MARCHF6: variants seen among roughly 807,000 people sequenced by gnomAD.
MARCHF6 encodes membrane associated ring-CH-type finger 6, also known as E3 ubiquitin-protein ligase MARCHF6.
MARCHF6 carries 31 observed loss-of-function variants against 133.7 expected under a neutral mutation model. That is an observed-to-expected ratio of 0.23 (90% CI 0.17 to 0.31). MARCHF6 has a LOEUF of 0.31. Among genes scored for constraint, MARCHF6 ranks in the 10% least tolerant of loss-of-function variants. The pLI is 1.00. For missense variants in MARCHF6, 723 were observed against 1,121.6 expected, an observed-to-expected ratio of 0.64 and a Z score of 5.08; for synonymous variants, 395 against 402.5, an observed-to-expected ratio of 0.98 and a Z score of 0.22.
At chr5:10,381,088 G>T (rs943934900) in intron 3 of MARCHF6, among the ~76,000 whole-genome samples, 3 of 152,092 alleles carry the variant, frequency 2.0e-5, no homozygotes, top group African/African-American at 4.8e-5. Context: ...AGAATTGTTT[G>T]TTTTTCCTTT....
chr5:10,423,692 T>TA (rs750425638), intron 22 of MARCHF6, 43 bp from the exon 23 acceptor site: 9 of 1,385,816 alleles, frequency 6.5e-6, no homozygotes, highest in African/African-American at 2.9e-5. Context: ...TGTTTATTGT[T>TA]AAAAAACAAC....
intron 3 of MARCHF6, 144 bp downstream of exon 3, chr5:10,378,976 A>C: frequency 7.5e-6 from 4 of 533,566 alleles, no homozygotes; most frequent in Non-Finnish European, 1.3e-5. Flanking sequence ...ATTTTTTTTG[A>C]TAGTAATAGG....
rs188903323 is a variant in MARCHF6, at chr5:10,390,570, C to G, written c.576+70C>G. The G allele has an allele frequency of 2.2e-6, 3 of 1,391,444 alleles. No individual in the cohort carries two copies. The African/African-American group carries it at 4.4e-5, about 20-fold the overall frequency. The allele number at this position is 1,391,444 out of a possible 1,614,324, so 86.2% of individuals were successfully genotyped here. On this transcript the variant is annotated intron_variant, in intron 6 of 25. Coordinates refer to ENST00000274140, the MANE Select transcript of MARCHF6 (RefSeq NM_005885.4). ...AGAATTATTGTTTCTCTCTGAGACT[C>G]AAACTCTTGACTTCCATGTCCCTCA...
chr5:10,394,797 TA>T lies in MARCHF6; in HGVS notation c.861+14del. On this transcript the variant is annotated intron_variant, in intron 9 of 25. Transcript: ENST00000274140. Reference sequence around the variant, plus strand: ...CACTAGTTTTTCTGGTAAGTAAAACTAATTTTTTTTTTTTTTTTTTGAGACG... The same window carrying T: ...CACTAGTTTTTCTGGTAAGTAAAACTATTTTTTTTTTTTTTTTTTGAGACG... The T allele has an allele frequency of 4.0e-6, 6 of 1,507,876 alleles. No individual in the cohort carries two copies. Among genetic ancestry groups the T allele is most frequent in the South Asian group, 1.2e-5 (1 of 84,614 alleles). The allele number at this position is 1,507,876 out of a possible 1,614,324, so 93.4% of individuals were successfully genotyped here.
At chr5:10,402,017 T>C in intron 11 of MARCHF6, 42 bp from the exon 12 acceptor site, 1 of 1,166,022 alleles carries the variant, frequency 8.6e-7, no homozygotes, top group Non-Finnish European at 1.3e-6. Flanking sequence ...GTGTAGAACA[T>C]GTTGTAAAAT....
chr5:10,369,604 C>CCG (rs1491111288), intron 1 of MARCHF6, among the ~76,000 whole-genome samples: 25 of 3,948 alleles, frequency 6.3e-3, no homozygotes, highest in African/African-American at 0.022. Flanking sequence ...AGTTCCATTA[C>CCG]CCCCCCCCCC....
At chr5:10,354,798 A>T (rs1377625948) in intron 1 of MARCHF6, 1 of 152,104 alleles carries the variant, frequency 6.6e-6, no homozygotes, top group Non-Finnish European at 1.5e-5. Context: ...AGGTATATTT[A>T]TGGGGGTATG....
At chr5:10,355,451 T>C (rs888106884) in intron 1 of MARCHF6, among the ~76,000 whole-genome samples, 3 of 152,240 alleles carry the variant, frequency 2.0e-5, no homozygotes, top group Non-Finnish European at 4.4e-5. Context: ...TTGCATACTT[T>C]TATGGTGTGA....
intron 24 of MARCHF6, among the ~76,000 whole-genome samples, chr5:10,428,498 T>G (rs1370948442): frequency 6.6e-6 from 1 of 151,992 alleles, no homozygotes; most frequent in Non-Finnish European, 1.5e-5. Flanking sequence ...TGCGCCACCA[T>G]GCCCAGCTAA....
In MARCHF6 at chr5:10,403,462, G is replaced by A; in HGVS notation, c.1253G>A (p.Gly418Asp). The A allele has an allele frequency of 6.2e-7, 1 of 1,613,924 alleles. No individual in the cohort carries two copies. Among genetic ancestry groups the A allele is most frequent in the Non-Finnish European group, 8.5e-7 (1 of 1,179,902 alleles). Reference sequence around the variant, plus strand: ...GAACTGAGCTTTCAGTCGGCTCCAGGTACTACCATGTTTCTGCATTGGCTA... The same window carrying A: ...GAACTGAGCTTTCAGTCGGCTCCAGATACTACCATGTTTCTGCATTGGCTA... The part of the protein sequence containing the change: ...DRELSFQSAP[G>D]TTMFLHWLVG... Residue 418 changes from glycine (G) to aspartate (D), a missense_variant, in exon 15 of 26, where the codon GGT becomes GAT. Gly to Asp is a moderately conservative substitution (Grantham distance 94). Coordinates refer to ENST00000274140, the MANE Select transcript of MARCHF6 (RefSeq NM_005885.4).
intron 9 of MARCHF6, among the ~76,000 whole-genome samples, chr5:10,395,535 T>G (rs998139637): frequency 6.6e-6 from 1 of 152,210 alleles, no homozygotes; most frequent in African/African-American, 2.4e-5. Flanking sequence ...GGAGCAATTC[T>G]TTAAAGAACT....
intron 16 of MARCHF6, among the ~76,000 whole-genome samples, chr5:10,406,179 T>G (rs902480882): frequency 2.0e-5 from 3 of 152,206 alleles, no homozygotes; most frequent in Non-Finnish European, 4.4e-5. Flanking sequence ...GAAATCCCGT[T>G]GAAAACTGTT....
At position 10,391,600 on chromosome 5, in the gene MARCHF6, C is replaced by T. The variant is rs745793572; in HGVS notation, c.635C>T (p.Pro212Leu). Residue 212 changes from proline (P) to leucine (L), a missense_variant, in exon 7 of 26, where the codon CCA becomes CTA. Physicochemically the swap from Pro to Leu is moderately conservative, Grantham distance 98 (BLOSUM62 -3). Around this residue, in one of 4 missense-constraint regions of MARCHF6, gnomAD observed 97 missense variants for 115.4 expected, o/e 0.84. Coordinates refer to ENST00000274140, the MANE Select transcript of MARCHF6 (RefSeq NM_005885.4). Reference sequence around the variant, plus strand: ...GCTGCTGATCAGCCTGCTAACCCACCAGCTGAGAACGCAGTGGTGGGGGAA... The same window carrying T: ...GCTGCTGATCAGCCTGCTAACCCACTAGCTGAGAACGCAGTGGTGGGGGAA... ...NVAADQPANP[P>L]AENAVVGENP... The T allele has an allele frequency of 1.9e-6, 3 of 1,613,082 alleles. No individual in the cohort carries two copies. The highest frequency in any genetic ancestry group is 1.3e-5 in the African/African-American group (1 of 74,850).
Position 10,436,368 on chromosome 5 carries a change from A to G in MARCHF6, c.*2684A>G, listed in dbSNP as rs1740655366. On this transcript the variant is annotated 3_prime_UTR_variant, in exon 26 of 26. Coordinates refer to ENST00000274140, the MANE Select transcript of MARCHF6 (RefSeq NM_005885.4). Reference sequence around the variant, plus strand: ...TTTCATAGGGAAAGCATTTTCCAGCATAATATTTGCTTGGGTAGCATCCGG... The same window carrying G: ...TTTCATAGGGAAAGCATTTTCCAGCGTAATATTTGCTTGGGTAGCATCCGG... 2.0e-5 allele frequency: 3 copies of G among 152,210 alleles called. No individual in the cohort carries two copies. The South Asian group carries it at 6.2e-4, about 31-fold the overall frequency. 9.4% of individuals were successfully genotyped at this position (152,210 alleles called of 1,614,324 possible). A position where few individuals can be genotyped will look rare whatever the true frequency, so the allele number is the denominator to read the frequency against.
chr5:10,405,824 A>T, intron 16 of MARCHF6, 147 bp downstream of exon 16: 1 of 604,644 alleles, frequency 1.7e-6, no homozygotes, highest in Non-Finnish European at 2.6e-6. Context: ...TCAGTTGTCA[A>T]GTAGCTGTGT....
At chr5:10,429,145 C>T (rs1034277620) in intron 24 of MARCHF6, among the ~76,000 whole-genome samples, 4 of 152,254 alleles carry the variant, frequency 2.6e-5, no homozygotes, top group South Asian at 2.1e-4. Context: ...ATCCACCTGA[C>T]GGTATTAATT....
At chr5:10,402,501 G>A in intron 13 of MARCHF6, 32 bp from the exon 14 acceptor site, 1 of 1,611,946 alleles carries the variant, frequency 6.2e-7, no homozygotes, top group South Asian at 1.1e-5. Context: ...CCTACATTTG[G>A]GTGATACTGA....
intron 5 of MARCHF6, among the ~76,000 whole-genome samples, chr5:10,388,424 A>G (rs1737618233): frequency 6.6e-6 from 1 of 152,162 alleles, no homozygotes; most frequent in Non-Finnish European, 1.5e-5. Flanking sequence ...TCTGTAGCTC[A>G]GTAATTGAGG....
Position 10,373,042 on chromosome 5 carries a change from A to G in MARCHF6, c.20-4756A>G, listed in dbSNP as rs151060343. On this transcript the variant is annotated intron_variant, in intron 1 of 25. Transcript: ENST00000274140. ...GTCACTGCACTCCAGCCTGGGTGAC[A>G]CAGCAAGACCCTGTCTCTTAAAAAA... Among the ~76,000 whole-genome samples the G allele has an allele frequency of 4.4e-3, 676 of 152,044 alleles. 2 individuals are homozygous for G. Among genetic ancestry groups the G allele is most frequent in the African/African-American group, 0.016 (661 of 41,496 alleles).
Sources: gnomAD v4.1 joint callset for allele counts (sites outside exome capture counted in the v4.1 genomes callset) on GRCh38, gnomAD v4.1.1 for gene constraint, gnomAD v4.1.1 regional missense constraint, MANE v1.5 for transcripts, NCBI Gene and HGNC (gene_info 2026-07-23, HGNC 2026-07-21) for gene names.